Variants in PXDNL observed in about 807,000 individuals in gnomAD.
The protein encoded by PXDNL is probable oxidoreductase PXDNL.
Under a neutral mutation model 150.8 loss-of-function variants are expected in PXDNL, and 145 were observed. That is an observed-to-expected ratio of 0.96 (90% CI 0.84 to 1.10). PXDNL has a LOEUF of 1.10. Among genes scored for constraint, PXDNL ranks in the 50% least tolerant of loss-of-function variants. PXDNL has a pLI of 0.00. For synonymous variants in PXDNL, 757 were observed against 725.7 expected, an observed-to-expected ratio of 1.04 and a Z score of -0.69; for missense variants, 2,087 against 1,873.9, an observed-to-expected ratio of 1.11 and a Z score of -2.10.
At chr8:51,719,802 C>A (rs1340141343) in intron 1 of PXDNL, among the ~76,000 whole-genome samples, 1 of 152,092 alleles carries the variant, frequency 6.6e-6, no homozygotes, top group Non-Finnish European at 1.5e-5. Flanking sequence ...TTCAAAAATT[C>A]TTCCAGAGTA....
chr8:51,372,233 A>G (rs1442666340), intron 18 of PXDNL, among the ~76,000 whole-genome samples, 152 bp from the exon 19 acceptor site: 1 of 152,188 alleles, frequency 6.6e-6, no homozygotes, highest in Non-Finnish European at 1.5e-5. Context: ...TATCCTTTTA[A>G]TTCTCTCCAA....
intron 17 of PXDNL, among the ~76,000 whole-genome samples, chr8:51,399,148 C>T (rs1180391325): frequency 6.6e-6 from 1 of 152,088 alleles, no homozygotes; most frequent in Non-Finnish European, 1.5e-5. Context: ...AATAATATTA[C>T]AACCACTTTG....
chr8:51,784,370 A>C (rs1309870503), intron 1 of PXDNL, among the ~76,000 whole-genome samples: 1 of 152,224 alleles, frequency 6.6e-6, no homozygotes. Flanking sequence ...GTTTTTACGA[A>C]TTCTTAAGCA....
At chr8:51,399,246 A>G (rs755262302) in intron 17 of PXDNL, among the ~76,000 whole-genome samples, 1 of 152,212 alleles carries the variant, frequency 6.6e-6, no homozygotes, top group Non-Finnish European at 1.5e-5. Context: ...TATTCAAGAA[A>G]AATGGAATCA....
chr8:51,514,413 C>T (rs982985503), intron 4 of PXDNL, among the ~76,000 whole-genome samples: 2 of 152,150 alleles, frequency 1.3e-5, no homozygotes, highest in South Asian at 2.1e-4. Flanking sequence ...TTGCTATATA[C>T]GGAACCATCC....
At chr8:51,334,514 A>G (rs1805784994) in intron 21 of PXDNL, among the ~76,000 whole-genome samples, 1 of 152,206 alleles carries the variant, frequency 6.6e-6, no homozygotes, top group South Asian at 2.1e-4. Flanking sequence ...AGTACAAAAG[A>G]TAAGTGAAAC....
intron 1 of PXDNL, among the ~76,000 whole-genome samples, chr8:51,747,688 T>C (rs1294982746): frequency 2.6e-5 from 4 of 152,230 alleles, no homozygotes; most frequent in Non-Finnish European, 5.9e-5. Context: ...AGGCTACACC[T>C]TGACACGAGT....
chr8:51,709,061 G>C (rs71513541), intron 1 of PXDNL, among the ~76,000 whole-genome samples: 1 of 152,132 alleles, frequency 6.6e-6, no homozygotes, highest in Non-Finnish European at 1.5e-5. Flanking sequence ...CTGAGGAAGA[G>C]GAAGTGAGTC....
chr8:51,777,816 T>A (rs1429423653), intron 1 of PXDNL, among the ~76,000 whole-genome samples: 1 of 152,108 alleles, frequency 6.6e-6, no homozygotes, highest in African/African-American at 2.4e-5. Flanking sequence ...GGCAGGAGAA[T>A]CGCATGAACC....
chr8:51,586,644 T>C (rs997279280), intron 3 of PXDNL, among the ~76,000 whole-genome samples: 4 of 152,230 alleles, frequency 2.6e-5, no homozygotes, highest in Non-Finnish European at 5.9e-5. Flanking sequence ...AAAATCTTTT[T>C]ATCTATAGGA....
At chr8:51,599,792 T>C (rs1813657852) in intron 2 of PXDNL, among the ~76,000 whole-genome samples, 1 of 142,920 alleles carries the variant, frequency 7.0e-6, no homozygotes, top group African/African-American at 2.6e-5. Context: ...AATGATATCG[T>C]TTAGATAATA....
At chr8:51,495,831 A>G (rs1181413510) in intron 5 of PXDNL, among the ~76,000 whole-genome samples, 1 of 152,214 alleles carries the variant, frequency 6.6e-6, no homozygotes, top group Non-Finnish European at 1.5e-5. Flanking sequence ...AAGGAGTCAC[A>G]GCCAAATTCT....
Position 51,496,515 on chromosome 8 carries a change from G to A in PXDNL, c.452+3184C>T, listed in dbSNP as rs368386208. On this transcript the variant is annotated intron_variant, in intron 5 of 22. Transcript: ENST00000356297. ...GTCCCTGTTTGCAGATGACATGATTGTATATTTAGAAAACCCCGTCGTCTC... is the reference window on the plus strand; with the variant it reads ...GTCCCTGTTTGCAGATGACATGATTATATATTTAGAAAACCCCGTCGTCTC... Among the ~76,000 whole-genome samples, 21 of 152,280 alleles carry A rather than the reference G, an allele frequency of 1.4e-4. No homozygotes were observed. The East Asian group carries it at 3.3e-3, about 24-fold the overall frequency.
chr8:51,654,668 A>C (rs752630085), intron 2 of PXDNL, 21 bp downstream of exon 2: 6 of 1,589,506 alleles, frequency 3.8e-6, no homozygotes, highest in Non-Finnish European at 3.5e-6. Flanking sequence ...GGAACCTTAC[A>C]GATAAGCAAT....
intron 17 of PXDNL, among the ~76,000 whole-genome samples, chr8:51,380,669 CTTGA>C (rs1206404139): frequency 6.6e-6 from 1 of 151,974 alleles, no homozygotes; most frequent in Non-Finnish European, 1.5e-5. Context: ...ATGTTATTGT[CTTGA>C]TTGTACTTTT....
At chr8:51,800,867 T>C (rs574534822) in intron 1 of PXDNL, among the ~76,000 whole-genome samples, 6 of 152,288 alleles carry the variant, frequency 3.9e-5, no homozygotes, top group Admixed American at 3.9e-4. Flanking sequence ...ACAAATTGAT[T>C]ATAGAACATG....
At chr8:51,507,705 C>G (rs1811322716) in intron 4 of PXDNL, among the ~76,000 whole-genome samples, 1 of 152,210 alleles carries the variant, frequency 6.6e-6, no homozygotes, top group Non-Finnish European at 1.5e-5. Context: ...TTTTGTCCCC[C>G]TCCATCCTCC....
At chr8:51,710,346 G>A (rs1355331323) in intron 1 of PXDNL, among the ~76,000 whole-genome samples, 2 of 152,006 alleles carry the variant, frequency 1.3e-5, no homozygotes, top group Non-Finnish European at 2.9e-5. Context: ...CATATTTATG[G>A]TATACTACAT....
At chr8:51,488,444 C>T (rs1285118077) in intron 5 of PXDNL, among the ~76,000 whole-genome samples, 1 of 152,056 alleles carries the variant, frequency 6.6e-6, no homozygotes, top group Admixed American at 6.5e-5. Flanking sequence ...TAGCCACCAT[C>T]CATACAGAAC....
Sources: gnomAD v4.1 joint callset for allele counts (sites outside exome capture counted in the v4.1 genomes callset) on GRCh38, gnomAD v4.1.1 for gene constraint, MANE v1.5 for transcripts, NCBI Gene and HGNC (gene_info 2026-07-23, HGNC 2026-07-21) for gene names.